Variants in ADAMTS19 observed in about 807,000 individuals in gnomAD.
ADAMTS19 encodes the protein ADAM metallopeptidase with thrombospondin type 1 motif 19, also known as A disintegrin and metalloproteinase with thrombospondin motifs 19.
ADAMTS19 carries 93 observed loss-of-function variants against 153.3 expected under a neutral mutation model. That is an observed-to-expected ratio of 0.61 (90% CI 0.51 to 0.72). The LOEUF (loss-of-function observed/expected upper bound fraction) is 0.72. Ranked by LOEUF, ADAMTS19 falls within the 30% of genes least tolerant of loss-of-function variation. ADAMTS19 has a pLI of 0.00. For synonymous variants in ADAMTS19, 600 were observed against 556.6 expected, an observed-to-expected ratio of 1.08 and a Z score of -1.10; for missense variants, 1,482 against 1,552.1, an observed-to-expected ratio of 0.95 and a Z score of 0.76.
chr5:129,682,455 G>T (rs1182769781), intron 17 of ADAMTS19, among the ~76,000 whole-genome samples: 1 of 152,116 alleles, frequency 6.6e-6, no homozygotes, highest in Non-Finnish European at 1.5e-5. Context: ...GTTTTAAGTG[G>T]CATTAGATAT....
intron 18 of ADAMTS19, among the ~76,000 whole-genome samples, chr5:129,684,667 C>G (rs958852844): frequency 6.6e-6 from 1 of 152,190 alleles, no homozygotes; most frequent in Admixed American, 6.5e-5. Context: ...CACCTGCCCA[C>G]AAGAATTACA....
intron 2 of ADAMTS19, among the ~76,000 whole-genome samples, chr5:129,496,458 A>C (rs912899842): frequency 5.9e-5 from 9 of 152,052 alleles, no homozygotes; most frequent in Admixed American, 3.9e-4. Context: ...GTTGCAGCAG[A>C]TTTTCCATTT....
At chr5:129,704,983 A>G (rs1251722984) in intron 21 of ADAMTS19, among the ~76,000 whole-genome samples, 1 of 152,240 alleles carries the variant, frequency 6.6e-6, no homozygotes, top group Non-Finnish European at 1.5e-5. Flanking sequence ...AGAGCCTCAT[A>G]TAGGGCTGTA....
chr5:129,581,413 T>A (rs1355287626), intron 7 of ADAMTS19, among the ~76,000 whole-genome samples: 2 of 152,168 alleles, frequency 1.3e-5, no homozygotes, highest in Non-Finnish European at 2.9e-5. Flanking sequence ...TATTCTCTGA[T>A]GGTAGTTTAT....
At chr5:129,598,890 G>A (rs1403839634) in intron 8 of ADAMTS19, among the ~76,000 whole-genome samples, 1 of 152,070 alleles carries the variant, frequency 6.6e-6, no homozygotes, top group African/African-American at 2.4e-5. Flanking sequence ...TGAGAAGTTT[G>A]TCCTCTATAT....
intron 21 of ADAMTS19, among the ~76,000 whole-genome samples, chr5:129,713,498 C>T (rs965435290): frequency 2.6e-5 from 4 of 152,146 alleles, no homozygotes; most frequent in African/African-American, 9.7e-5. Flanking sequence ...CAGTGGTTCA[C>T]ACCTGTAATC....
chr5:129,647,571 G>A (rs911396700), intron 11 of ADAMTS19, among the ~76,000 whole-genome samples, 194 bp from the exon 12 acceptor site: 4 of 152,122 alleles, frequency 2.6e-5, no homozygotes, highest in Non-Finnish European at 5.9e-5. Flanking sequence ...CAACAAGACT[G>A]TATCTGTGAG....
At chr5:129,556,852 G>GA (rs1753332319) in intron 7 of ADAMTS19, among the ~76,000 whole-genome samples, 1 of 152,172 alleles carries the variant, frequency 6.6e-6, no homozygotes, top group African/African-American at 2.4e-5. Flanking sequence ...CGACATAAGT[G>GA]AACACAAACA....
Position 129,528,580 on chromosome 5 carries a change from C to A in ADAMTS19, c.1231C>A (p.His411Asn). 1 of 1,603,314 alleles carries A rather than the reference C, an allele frequency of 6.2e-7. No individual in the cohort carries two copies. Among genetic ancestry groups the A allele is most frequent in the Non-Finnish European group, 8.5e-7 (1 of 1,175,386 alleles). Residue 411 changes from histidine to asparagine, a missense_variant, in exon 6 of 23, where the codon CAT becomes AAT. Transcript: ENST00000274487. Reference protein sequence around the residue: ...KMLESFCKWQHEEFGKKNDIH... With the variant: ...KMLESFCKWQNEEFGKKNDIH... ...GCTAGAGAGTTTTTGTAAGTGGCAA[C>A]ATGAAGAATTTGGCAAAAAGAATGA...
intron 7 of ADAMTS19, among the ~76,000 whole-genome samples, chr5:129,583,288 C>T (rs1172773361): frequency 6.6e-6 from 1 of 152,174 alleles, no homozygotes; most frequent in Non-Finnish European, 1.5e-5. Flanking sequence ...TGGTATTAGT[C>T]TGATGGGCTT....
intron 21 of ADAMTS19, among the ~76,000 whole-genome samples, chr5:129,721,186 T>A (rs1447050008): frequency 6.6e-6 from 1 of 152,208 alleles, no homozygotes; most frequent in East Asian, 1.9e-4. Context: ...AGTGGATACC[T>A]ACTAAGCATA....
chr5:129,537,033 C>T (rs1752460039), intron 6 of ADAMTS19, among the ~76,000 whole-genome samples: 1 of 151,104 alleles, frequency 6.6e-6, no homozygotes, highest in South Asian at 2.1e-4. Context: ...ACATTGTGCA[C>T]ATGTACCCTA....
chr5:129,623,239 T>C lies in ADAMTS19; in HGVS notation c.1770+891T>C, dbSNP rs11950399. On this transcript the variant is annotated intron_variant, in intron 10 of 22. Coordinates refer to ENST00000274487, the MANE Select transcript of ADAMTS19 (RefSeq NM_133638.6). ...AGTAATTACTCAGAGAGAACAGTAGTGTTAGGTCCTTAAAATCTAAAGGAT... is the reference window on the plus strand; with the variant it reads ...AGTAATTACTCAGAGAGAACAGTAGCGTTAGGTCCTTAAAATCTAAAGGAT... 5.3e-3 allele frequency among the ~76,000 whole-genome samples: 800 copies of C among 152,278 alleles called. 7 individuals carry two copies. Among genetic ancestry groups the C allele is most frequent in the African/African-American group, 0.018 (762 of 41,554 alleles).
rs58035872 is a variant in ADAMTS19, at chr5:129,571,892, G to A, written c.1372+19985G>A. On this transcript the variant is annotated intron_variant, in intron 7 of 22. Transcript: ENST00000274487. ...AATTGATTTTCTACAAAGGTAAAAAGGCTATCCAATGAAAAAAGTTTTATC... is the reference window on the plus strand; with the variant it reads ...AATTGATTTTCTACAAAGGTAAAAAAGCTATCCAATGAAAAAAGTTTTATC... Among the ~76,000 whole-genome samples, 70 of 151,754 alleles carry A rather than the reference G, an allele frequency of 4.6e-4. 1 individual carries two copies. The East Asian group carries it at 0.013, about 29-fold the overall frequency.
chr5:129,614,436 A>C (rs2126962753), intron 8 of ADAMTS19, among the ~76,000 whole-genome samples: 1 of 152,270 alleles, frequency 6.6e-6, no homozygotes, highest in East Asian at 1.9e-4. Context: ...GACAAAAACC[A>C]CATGATTATC....
intron 7 of ADAMTS19, among the ~76,000 whole-genome samples, chr5:129,575,648 TG>T (rs1754072444): frequency 6.6e-6 from 1 of 152,130 alleles, no homozygotes; most frequent in African/African-American, 2.4e-5. Flanking sequence ...AATTTTCAGC[TG>T]TTTCTGTGTA....
chr5:129,704,972 T>C (rs1756075458), intron 21 of ADAMTS19, among the ~76,000 whole-genome samples: 1 of 152,224 alleles, frequency 6.6e-6, no homozygotes, highest in Admixed American at 6.5e-5. Context: ...ATGAGTAAAG[T>C]AGAGCCTCAT....
chr5:129,556,192 G>A (rs977039318), intron 7 of ADAMTS19, among the ~76,000 whole-genome samples: 5 of 152,086 alleles, frequency 3.3e-5, no homozygotes, highest in African/African-American at 1.2e-4. Flanking sequence ...TGTAGATCAT[G>A]GAAGAAAATA....
chr5:129,670,288 A>G (rs1412530138), intron 16 of ADAMTS19, among the ~76,000 whole-genome samples: 2 of 152,128 alleles, frequency 1.3e-5, no homozygotes, highest in Non-Finnish European at 2.9e-5. Flanking sequence ...TCTTTTGTCT[A>G]CAATATCTAA....
Sources: allele counts gnomAD v4.1 joint callset (sites outside exome capture counted in the v4.1 genomes callset), GRCh38; gene constraint gnomAD v4.1.1; transcripts MANE v1.5; gene names NCBI Gene and HGNC (gene_info 2026-07-23, HGNC 2026-07-21).